Variants in AGPAT4 observed in about 807,000 individuals in gnomAD.
AGPAT4 encodes the protein 1-acyl-sn-glycerol-3-phosphate acyltransferase delta.
A neutral mutation model predicts 48.0 loss-of-function variants in AGPAT4; 15 were observed. The observed-to-expected ratio is 0.31, with a 90% CI of 0.21 to 0.48. The LOEUF is 0.48. Among genes scored for constraint, AGPAT4 ranks in the 20% least tolerant of loss-of-function variants. The pLI is 0.99. For missense variants in AGPAT4, 314 were observed against 482.5 expected (o/e 0.65, Z 3.27); for synonymous variants, 178 against 198.7 (o/e 0.90, Z 0.88).
Position 161,214,124 on chromosome 6 carries a change from G to T in AGPAT4, c.178+17912C>A, listed in dbSNP as rs1781585182. 6.6e-6 allele frequency among the ~76,000 whole-genome samples: 1 copy of T among 152,140 alleles called. No homozygotes were observed. The highest frequency in any genetic ancestry group is 2.4e-5 in the African/African-American group (1 of 41,416). ...GAAACTCAAAAGAATGCTACCATTT[G>T]TCTCTCACCTACCTGTGACCTGGAA... On this transcript the variant is annotated intron_variant, in intron 2 of 8. Coordinates refer to ENST00000320285, the MANE Select transcript of AGPAT4 (RefSeq NM_020133.3). The surrounding 1 kb of genome is among the most constrained non-coding windows in gnomAD (Gnocchi z 5.4).
chr6:161,173,015 T>A (rs1437242533), intron 2 of AGPAT4, among the ~76,000 whole-genome samples: 1 of 152,266 alleles, frequency 6.6e-6, no homozygotes, highest in East Asian at 1.9e-4. Flanking sequence ...GGTGTATATG[T>A]GCCAAATTTT....
rs1562343772 is a variant in AGPAT4 at position 161,219,892 on chromosome 6, C to T, written c.178+12144G>A. On this transcript the variant is annotated intron_variant, in intron 2 of 8. Coordinates refer to ENST00000320285, the MANE Select transcript of AGPAT4 (RefSeq NM_020133.3). The surrounding 1 kb of genome is among the most constrained non-coding windows in gnomAD (Gnocchi z 4.9). ...ATAGATAGGCAGGCAGGCAGGCAGG[C>T]AGGCAGGCAGGCAGGCAGGCAGGCG... Among the ~76,000 whole-genome samples the T allele has an allele frequency of 1.3e-4, 18 of 135,508 alleles. No homozygotes were observed. The highest frequency in any genetic ancestry group is 3.2e-4 in the African/African-American group (10 of 31,474). 88.9% of individuals were successfully genotyped at this position (135,508 alleles called of 152,430 possible).
At chr6:161,150,596 C>T (rs1162261657) in intron 5 of AGPAT4, among the ~76,000 whole-genome samples, 2 of 152,196 alleles carry the variant, frequency 1.3e-5, no homozygotes, top group African/African-American at 2.4e-5. Context: ...GACCACCATG[C>T]GGGGTCTGCA....
At position 161,166,774 on chromosome 6, in the gene AGPAT4, C is replaced by A. The variant is rs951305033; in HGVS notation, c.179-357G>T. The stretch of plus-strand genomic sequence containing the variant: ...GCAGCGTGAGATGAGGTATAGAATT[C>A]TTAATATCCTGGAAAATGACTAATT... On this transcript the variant is annotated intron_variant, in intron 2 of 8. Coordinates refer to ENST00000320285, the MANE Select transcript of AGPAT4 (RefSeq NM_020133.3). This position sits in a 1 kb window ranked among gnomAD's most constrained non-coding sequence, Gnocchi z 6.7. Among the ~76,000 whole-genome samples, 12 of 152,128 alleles carry A rather than the reference C, an allele frequency of 7.9e-5. No homozygotes were observed. Among genetic ancestry groups the A allele is most frequent in the African/African-American group, 2.7e-4 (11 of 41,430 alleles).
At position 161,201,031 on chromosome 6, in the gene AGPAT4, GCT is replaced by G. The variant is rs1246323273; in HGVS notation, c.178+31003_178+31004del. ...CAGCTTCCTGCAAATGCATCATCTT[GCT>G]CTCTAGCCTGCCACCACGATTACAG... On this transcript the variant is annotated intron_variant, in intron 2 of 8. Coordinates refer to ENST00000320285, the MANE Select transcript of AGPAT4 (RefSeq NM_020133.3). The surrounding 1 kb of genome is among the most constrained non-coding windows in gnomAD (Gnocchi z 6.0). 1.3e-5 allele frequency among the ~76,000 whole-genome samples: 2 copies of G among 152,174 alleles called. No individual in the cohort carries two copies. Among genetic ancestry groups the G allele is most frequent in the East Asian group, 3.9e-4 (2 of 5,188 alleles).
rs1439655176 is a variant in AGPAT4, at chr6:161,136,306, C to T, written c.*234G>A. 1 of 535,986 alleles carries T rather than the reference C, an allele frequency of 1.9e-6. No homozygotes were observed. Among genetic ancestry groups the T allele is most frequent in the African/African-American group, 1.9e-5 (1 of 52,422 alleles). The allele number at this position is 535,986 out of a possible 1,614,324, so 33.2% of individuals were successfully genotyped here. On this transcript the variant is annotated 3_prime_UTR_variant, in exon 9 of 9. Coordinates refer to ENST00000320285, the MANE Select transcript of AGPAT4 (RefSeq NM_020133.3). ...CACTCACCACACAGCCATTCTCACA[C>T]ACACTCGCACAAAAAGAAAACCAAA... is the stretch of plus-strand genomic sequence containing the variant.
In AGPAT4 at chr6:161,219,822, CAGAG is replaced by C. The variant is rs1554236531; in HGVS notation, c.178+12210_178+12213del. 1.0e-3 allele frequency among the ~76,000 whole-genome samples: 109 copies of C among 106,212 alleles called. 1 individual carries two copies. The highest frequency in any genetic ancestry group is 5.5e-3 in the South Asian group (17 of 3,066). The allele number at this position is 106,212 out of a possible 152,430, so 69.7% of individuals were successfully genotyped here. ...ACAGATTCACAGTAAAAAAGATAGA[CAGAG>C]ATAGATAGATAGATAGATAGATAGA... On this transcript the variant is annotated intron_variant, in intron 2 of 8. Transcript: ENST00000320285. This position sits in a 1 kb window ranked among gnomAD's most constrained non-coding sequence, Gnocchi z 4.9.
In AGPAT4 at chr6:161,214,494, G is replaced by A. The variant is rs12195896; in HGVS notation, c.178+17542C>T. Among the ~76,000 whole-genome samples, 12,737 of 152,256 alleles carry A rather than the reference G, an allele frequency of 0.084. 660 individuals carry two copies. The highest frequency in any genetic ancestry group is 0.12 in the Non-Finnish European group (8,391 of 68,002). Reference sequence around the variant, plus strand: ...TGTATCTAAACATAGGGCTGGGCATGGTGGCTCATGCCTGTAATCCCAGCC... The same window carrying A: ...TGTATCTAAACATAGGGCTGGGCATAGTGGCTCATGCCTGTAATCCCAGCC... On this transcript the variant is annotated intron_variant, in intron 2 of 8. Coordinates refer to ENST00000320285, the MANE Select transcript of AGPAT4 (RefSeq NM_020133.3). The surrounding 1 kb of genome is among the most constrained non-coding windows in gnomAD (Gnocchi z 5.4).
At chr6:161,191,579 A>C (rs1044408059) in intron 2 of AGPAT4, among the ~76,000 whole-genome samples, 1 of 152,232 alleles carries the variant, frequency 6.6e-6, no homozygotes, top group African/African-American at 2.4e-5. Flanking sequence ...AACTAGAGCC[A>C]GACAGGACTA....
rs1782523129 is a variant in AGPAT4, at chr6:161,242,548, C to A, written c.-89-10246G>T. On this transcript the variant is annotated intron_variant, in intron 1 of 8. Coordinates refer to ENST00000320285, the MANE Select transcript of AGPAT4 (RefSeq NM_020133.3). This position sits in a 1 kb window ranked among gnomAD's most constrained non-coding sequence, Gnocchi z 5.0. ...GGGTGCAGACCTCAGAGTAGGTACA[C>A]ATTCTGAGGGTGCCAGCTGGCTAGA... 6.6e-6 allele frequency among the ~76,000 whole-genome samples: 1 copy of A among 152,138 alleles called. No individual in the cohort carries two copies. Among genetic ancestry groups the A allele is most frequent in the South Asian group, 2.1e-4 (1 of 4,830 alleles).
chr6:161,153,305 C>T (rs748147777), intron 5 of AGPAT4, 41 bp downstream of exon 5: 8 of 1,572,654 alleles, frequency 5.1e-6, no homozygotes, highest in South Asian at 3.5e-5. Flanking sequence ...TTGTCTTCCT[C>T]GCTGCCACGG....
Position 161,201,050 on chromosome 6 carries a change from C to T in AGPAT4, c.178+30986G>A, listed in dbSNP as rs1352582934. On this transcript the variant is annotated intron_variant, in intron 2 of 8. Coordinates refer to ENST00000320285, the MANE Select transcript of AGPAT4 (RefSeq NM_020133.3). This position sits in a 1 kb window ranked among gnomAD's most constrained non-coding sequence, Gnocchi z 6.0. ...CATCTTGCTCTCTAGCCTGCCACCA[C>T]GATTACAGCTCAGCCGAGGAAGTCA... 2.0e-5 allele frequency among the ~76,000 whole-genome samples: 3 copies of T among 152,170 alleles called. No individual in the cohort carries two copies. Among genetic ancestry groups the T allele is most frequent in the African/African-American group, 4.8e-5 (2 of 41,442 alleles).
rs939989468 is a variant in AGPAT4, at chr6:161,234,384, T to C, written c.-89-2082A>G. 6.6e-6 allele frequency among the ~76,000 whole-genome samples: 1 copy of C among 152,148 alleles called. No individual in the cohort carries two copies. The highest frequency in any genetic ancestry group is 1.5e-5 in the Non-Finnish European group (1 of 68,014). ...TCTAGGCCCCAGAAGCTCCACTCTCTGGCACAAATCCAGGCCCTGCAGGGT... is the reference window on the plus strand; with the variant it reads ...TCTAGGCCCCAGAAGCTCCACTCTCCGGCACAAATCCAGGCCCTGCAGGGT... On this transcript the variant is annotated intron_variant, in intron 1 of 8. Transcript: ENST00000320285. The surrounding 1 kb of genome is among the most constrained non-coding windows in gnomAD (Gnocchi z 4.4).
intron 2 of AGPAT4, among the ~76,000 whole-genome samples, chr6:161,191,313 T>G (rs892000951): frequency 6.6e-6 from 1 of 152,218 alleles, no homozygotes; most frequent in Admixed American, 6.5e-5. Context: ...TAACCCACTG[T>G]GCTGTGCTGC....
In AGPAT4 at chr6:161,270,250, C is replaced by A. The variant is rs1014255977; in HGVS notation, c.-90+3688G>T. On this transcript the variant is annotated intron_variant, in intron 1 of 8. Transcript: ENST00000320285. This position sits in a 1 kb window ranked among gnomAD's most constrained non-coding sequence, Gnocchi z 5.3. ...AGAAAGAGTTCATGCTTTAAGCTTC[C>A]TCTTTCCTACAGCCTGGCAGCCACT... 1.3e-5 allele frequency among the ~76,000 whole-genome samples: 2 copies of A among 152,178 alleles called. No individual in the cohort carries two copies. Among genetic ancestry groups the A allele is most frequent in the African/African-American group, 4.8e-5 (2 of 41,442 alleles).
chr6:161,232,251 CCACA>C lies in AGPAT4; in HGVS notation c.-42_-39del, dbSNP rs755104311. On this transcript the variant is annotated 5_prime_UTR_variant, in exon 2 of 9. Transcript: ENST00000320285. The surrounding 1 kb of genome is among the most constrained non-coding windows in gnomAD (Gnocchi z 6.8). ...CTCTTATTCAGAAATAAATAACTAC[CCACA>C]GTCAAAGATTTCCAGAAGGAAGAAA... The C allele has an allele frequency of 6.3e-7, 1 of 1,575,106 alleles. No homozygotes were observed. The highest frequency in any genetic ancestry group is 2.3e-5 in the East Asian group (1 of 44,258).
At chr6:161,182,676 T>C (rs1406355558) in intron 2 of AGPAT4, among the ~76,000 whole-genome samples, 2 of 152,202 alleles carry the variant, frequency 1.3e-5, no homozygotes, top group East Asian at 1.9e-4. Flanking sequence ...ACATCCAGCT[T>C]GGCATGGCCT....
At position 161,166,193 on chromosome 6, in the gene AGPAT4, G is replaced by T. The variant is rs202003515; in HGVS notation, c.348+55C>A. ...ATGACCAGGAGCAAAAAGACAAGTG[G>T]TGGGGCTGAACCAGAGAAATGTGTG... On this transcript the variant is annotated intron_variant, in intron 3 of 8. Transcript: ENST00000320285. This position sits in a 1 kb window ranked among gnomAD's most constrained non-coding sequence, Gnocchi z 6.7. 168 of 1,585,206 alleles carry T rather than the reference G, an allele frequency of 1.1e-4. No homozygotes were observed. In the East Asian group the frequency reaches 2.7e-3, roughly 25 times the overall value.
chr6:161,165,547 A>G lies in AGPAT4; in HGVS notation c.348+701T>C. 2.4e-6 allele frequency: 3 copies of G among 1,260,796 alleles called. No individual in the cohort carries two copies. In the South Asian group the frequency reaches 3.9e-5, roughly 16 times the overall value. The allele number at this position is 1,260,796 out of a possible 1,614,324, so 78.1% of individuals were successfully genotyped here. The stretch of plus-strand genomic sequence containing the variant: ...CTTTCCTAGCCCCAGACCAATGTAC[A>G]CTGTGTACACTGTGATTCCTACGGA... On this transcript the variant is annotated intron_variant, in intron 3 of 8. Transcript: ENST00000320285. This position sits in a 1 kb window ranked among gnomAD's most constrained non-coding sequence, Gnocchi z 5.5.
Sources: gnomAD v4.1 joint callset for allele counts (sites outside exome capture counted in the v4.1 genomes callset) on GRCh38, gnomAD v4.1.1 for gene constraint, Gnocchi (gnomAD v3.1) non-coding constraint, MANE v1.5 for transcripts, NCBI Gene and HGNC (gene_info 2026-07-23, HGNC 2026-07-21) for gene names.